Variants in PRPF40B observed in about 807,000 individuals in gnomAD.
PRPF40B encodes pre-mRNA processing factor 40B, also known as pre-mRNA-processing factor 40 homolog B.
In PRPF40B, 56 loss-of-function variants were observed where a neutral mutation model predicts 124.5. That is an observed-to-expected ratio of 0.45 (90% CI 0.36 to 0.56). PRPF40B has a LOEUF of 0.56. PRPF40B is among the 20% of genes least tolerant of loss of function. The pLI is 0.00. For synonymous variants in PRPF40B, 443 were observed against 426.4 expected, an observed-to-expected ratio of 1.04 and a Z score of -0.48; for missense variants, 1,053 against 1,169.5, an observed-to-expected ratio of 0.90 and a Z score of 1.45.
In PRPF40B at chr12:49,635,503, C is replaced by G; in HGVS notation, c.1275+30C>G. 6.3e-7 allele frequency: 1 copy of G among 1,582,104 alleles called. No homozygotes were observed. The highest frequency in any genetic ancestry group is 8.6e-7 in the Non-Finnish European group (1 of 1,160,306). ...TGGTCCCTGGGCAGAATCCTTCAGC[C>G]CATCTCATCCTGGACTTTCCTTGTC... is the stretch of plus-strand genomic sequence containing the variant. On this transcript the variant is annotated intron_variant, in intron 14 of 25. Transcript: ENST00000548825. This position sits in a 1 kb window ranked among gnomAD's most constrained non-coding sequence, Gnocchi z 4.1.
chr12:49,622,963 G>T (rs746832531), upstream of PRPF40B, among the ~76,000 whole-genome samples: 4 of 152,100 alleles, frequency 2.6e-5, no homozygotes, highest in Non-Finnish European at 5.9e-5. Context: ...TGAGTTCAGC[G>T]CTCAGTGGGA....
Position 49,635,639 on chromosome 12 carries a change from T to C in PRPF40B, c.1275+166T>C, listed in dbSNP as rs1272429345. ...ACATCTCATTTCTGCTCTGGGCCTA[T>C]AGTCCTGGGTGTAGCAGGGAGGAGG... On this transcript the variant is annotated intron_variant, in intron 14 of 25. Coordinates refer to ENST00000548825, the MANE Select transcript of PRPF40B (RefSeq NM_001031698.3). The surrounding 1 kb of genome is among the most constrained non-coding windows in gnomAD (Gnocchi z 4.1). 2.6e-5 allele frequency among the ~76,000 whole-genome samples: 4 copies of C among 152,110 alleles called. No homozygotes were observed. Among genetic ancestry groups the C allele is most frequent in the Non-Finnish European group, 4.4e-5 (3 of 68,000 alleles).
chr12:49,643,125 C>T, intron 22 of PRPF40B, 98 bp from the exon 23 acceptor site: 1 of 1,588,028 alleles, frequency 6.3e-7, no homozygotes, highest in East Asian at 2.2e-5. Context: ...TTGAGGATTC[C>T]TTTGGCCCTG....
At position 49,633,622 on chromosome 12, in the gene PRPF40B, C is replaced by A; in HGVS notation, c.581-15C>A. 3.1e-6 allele frequency: 5 copies of A among 1,614,224 alleles called. No individual in the cohort carries two copies. The highest frequency in any genetic ancestry group is 4.2e-6 in the Non-Finnish European group (5 of 1,180,038). The stretch of plus-strand genomic sequence containing the variant: ...TTGCCCCTGTGACTGACTGTGTTAT[C>A]TTTTCCCATCACAGTTCTAGTCAAA... On this transcript the variant is annotated splice_polypyrimidine_tract_variant and intron_variant, in intron 8 of 25. Coordinates refer to ENST00000548825, the MANE Select transcript of PRPF40B (RefSeq NM_001031698.3).
Position 49,642,449 on chromosome 12 carries a change from G to C in PRPF40B, c.2022+77G>C. 1.9e-6 allele frequency: 3 copies of C among 1,581,590 alleles called. No individual in the cohort carries two copies. Among genetic ancestry groups the C allele is most frequent in the Admixed American group, 1.7e-5 (1 of 59,524 alleles). On this transcript the variant is annotated intron_variant, in intron 20 of 25. Transcript: ENST00000548825. The surrounding 1 kb of genome is among the most constrained non-coding windows in gnomAD (Gnocchi z 5.8). ...GCTTCACCACTGAGGGCCCACCCCA[G>C]TCACGTCACAGCCCTGGGCCAGCTC...
intron 17 of PRPF40B, 31 bp downstream of exon 17, chr12:49,637,615 C>G (rs374757667): frequency 3.1e-6 from 5 of 1,595,106 alleles, no homozygotes; most frequent in Admixed American, 3.3e-5. Flanking sequence ...CTTCTCTGGC[C>G]TGGCTTCCTG....
Position 49,634,729 on chromosome 12 carries a change from G to A in PRPF40B, c.1001+127G>A, listed in dbSNP as rs1941585183. On this transcript the variant is annotated intron_variant, in intron 12 of 25. Transcript: ENST00000548825. Reference sequence around the variant, plus strand: ...GTCAGGACAGTGATAGATTGGGTTGGGGTGCAAGGGGAAGAAAAGCTGGAG... The same window carrying A: ...GTCAGGACAGTGATAGATTGGGTTGAGGTGCAAGGGGAAGAAAAGCTGGAG... The A allele has an allele frequency of 1.3e-5, 16 of 1,193,354 alleles. 1 individual carries two copies. In the South Asian group the frequency reaches 2.2e-4, roughly 16 times the overall value. 73.9% of individuals were successfully genotyped at this position (1,193,354 alleles called of 1,614,324 possible).
In PRPF40B at chr12:49,644,321, C is replaced by T; in HGVS notation, c.*129C>T. Reference sequence around the variant, plus strand: ...TTTTCTAAAGTAACCCCACCCCCAGCACACCATTGTTGGCACCTCTCAAGG... The same window carrying T: ...TTTTCTAAAGTAACCCCACCCCCAGTACACCATTGTTGGCACCTCTCAAGG... On this transcript the variant is annotated 3_prime_UTR_variant, in exon 26 of 26. Transcript: ENST00000548825. 1 of 1,042,714 alleles carries T rather than the reference C, an allele frequency of 9.6e-7. No homozygotes were observed. Among genetic ancestry groups the T allele is most frequent in the Non-Finnish European group, 1.4e-6 (1 of 698,220 alleles). 64.6% of individuals were successfully genotyped at this position (1,042,714 alleles called of 1,614,324 possible).
chr12:49,623,823 C>A (rs921518825), intron 1 of PRPF40B: 26 of 956,942 alleles, frequency 2.7e-5, no homozygotes, highest in Non-Finnish European at 3.2e-5. Flanking sequence ...GCGAAAGGTG[C>A]GAGAGTGGCG....
rs1338039505 is a variant in PRPF40B, at chr12:49,643,926, A to C, written c.2508A>C (p.Gln836His). The change falls in exon 25 of 26, where the codon CAA becomes CAC. Residue 836 changes from glutamine (Q) to histidine (H), a missense_variant. Around this residue, in one of 2 missense-constraint regions of PRPF40B, gnomAD observed 895 missense variants for 1,052.2 expected, o/e 0.85. Coordinates refer to ENST00000548825, the MANE Select transcript of PRPF40B (RefSeq NM_001031698.3). ...KAGKESDEKE[Q>H]EQDKDRELQQ... ...GCAAGGAGAGCGATGAGAAAGAACA[A>C]GAACAGGACAAGGACAGGGAGCTCC... The C allele has an allele frequency of 1.2e-6, 2 of 1,614,238 alleles. No homozygotes were observed. The highest frequency in any genetic ancestry group is 1.7e-5 in the Admixed American group (1 of 60,032).
Position 49,632,611 on chromosome 12 carries a change from G to A in PRPF40B, c.310G>A (p.Asp104Asn), listed in dbSNP as rs1370530252. ...TCTTCGGCAGACGGCTCCGGGTGCG[G>A]ACACCGCCAGCTGTGAGTCTTCTGG... ...PVTAATAPGA[D>N]TASSAVAGTG... Residue 104 changes from aspartate to asparagine, a missense_variant, in exon 5 of 26, where the codon GAC becomes AAC. Transcript: ENST00000548825. 1 of 1,613,712 alleles carries A rather than the reference G, an allele frequency of 6.2e-7. No individual in the cohort carries two copies. The highest frequency in any genetic ancestry group is 2.2e-5 in the East Asian group (1 of 44,886).
At chr12:49,630,775 G>T (rs988893174) in intron 2 of PRPF40B, 150 bp downstream of exon 2, 79 of 606,090 alleles carry the variant, frequency 1.3e-4, no homozygotes, top group Non-Finnish European at 1.8e-5. Context: ...TGAGCATTGG[G>T]TTGGGGAGAG....
chr12:49,637,876 C>G, intron 18 of PRPF40B, 52 bp downstream of exon 18: 1 of 1,447,318 alleles, frequency 6.9e-7, no homozygotes, highest in Non-Finnish European at 9.7e-7. Context: ...AGGGCACACT[C>G]CCTGCAGAGG....
In PRPF40B at chr12:49,635,911, T is replaced by C; in HGVS notation, c.1344T>C (p.Ser448=). The change falls in exon 15 of 26, where the codon AGT becomes AGC. Residue 448 remains serine (S), a synonymous_variant. Transcript: ENST00000548825. This position sits in a 1 kb window ranked among gnomAD's most constrained non-coding sequence, Gnocchi z 4.1. ...AGAGCATCCTGGATGGGATGAGTAG[T>C]GTCAACTTCCAAACCACGTGGTCCC... is the stretch of plus-strand genomic sequence containing the variant. ...ALKSILDGMS[S]VNFQTTWSQA... The C allele has an allele frequency of 6.2e-7, 1 of 1,614,070 alleles. No homozygotes were observed. Among genetic ancestry groups the C allele is most frequent in the Non-Finnish European group, 8.5e-7 (1 of 1,179,976 alleles).
rs993061342 is a variant in PRPF40B, at chr12:49,634,589, G to A, written c.988G>A (p.Asp330Asn). The change falls in exon 12 of 26, where the codon GAC (aspartate) becomes AAC (asparagine). Residue 330 changes from aspartate (D) to asparagine (N), a missense_variant. Transcript: ENST00000548825. ...ACAGGCCATGAAGATGGTGGTCACC[G>A]ACCCCCGTTACAGGTAGGCCTGGGC... is the stretch of plus-strand genomic sequence containing the variant. Reference protein sequence around the residue: ...WEQAMKMVVTDPRYSALPKLS... With the variant: ...WEQAMKMVVTNPRYSALPKLS... 5.6e-6 allele frequency: 9 copies of A among 1,614,000 alleles called. No homozygotes were observed. Among genetic ancestry groups the A allele is most frequent in the Non-Finnish European group, 7.6e-6 (9 of 1,180,022 alleles).
intron 1 of PRPF40B, among the ~76,000 whole-genome samples, chr12:49,627,460 G>T (rs1256621544): frequency 6.6e-6 from 1 of 152,212 alleles, no homozygotes; most frequent in African/African-American, 2.4e-5. Context: ...ATTGGTAGAT[G>T]TGAAGTGTAG....
chr12:49,639,009 G>A (rs1430864346), intron 18 of PRPF40B: 1 of 152,130 alleles, frequency 6.6e-6, no homozygotes, highest in Admixed American at 6.5e-5. Flanking sequence ...TTACCATTAG[G>A]TAAGATGTAT....
At chr12:49,623,643 C>T in intron 1 of PRPF40B, 50 bp downstream of exon 1, 2 of 1,229,946 alleles carry the variant, frequency 1.6e-6, no homozygotes, top group Non-Finnish European at 2.0e-6. Context: ...CCCACAGCGC[C>T]CCCTGCGGCC....
At chr12:49,641,276 C>T (rs1399556875) in intron 18 of PRPF40B, 2 of 152,290 alleles carry the variant, frequency 1.3e-5, no homozygotes, top group Non-Finnish European at 1.5e-5. Flanking sequence ...ACTAAGTCAT[C>T]TGGGTGGGTG....
Sources: gnomAD v4.1 joint callset for allele counts (sites outside exome capture counted in the v4.1 genomes callset) on GRCh38, gnomAD v4.1.1 for gene constraint, gnomAD v4.1.1 regional missense constraint, Gnocchi (gnomAD v3.1) non-coding constraint, MANE v1.5 for transcripts, NCBI Gene and HGNC (gene_info 2026-07-23, HGNC 2026-07-21) for gene names.